Variants in ROR1 observed in about 807,000 individuals in gnomAD.
ROR1 encodes the protein ROR family WNT receptor 1, also known as inactive tyrosine-protein kinase transmembrane receptor ROR1.
ROR1 carries 19 observed loss-of-function variants against 78.8 expected under a neutral mutation model. The observed-to-expected ratio is 0.24, with a 90% CI of 0.17 to 0.35. ROR1 has a LOEUF of 0.35. ROR1 is among the 10% of genes least tolerant of loss of function. The probability of loss-of-function intolerance (pLI) is 1.00; values close to 1 mark genes in which losing one functional copy is unlikely to be tolerated. For synonymous variants in ROR1, 386 were observed against 433.6 expected (o/e 0.89, Z 1.36); for missense variants, 917 against 1,177.8 (o/e 0.78, Z 3.24).
At chr1:64,062,504 G>T (rs1294276886) in intron 4 of ROR1, among the ~76,000 whole-genome samples, 1 of 151,914 alleles carries the variant, frequency 6.6e-6, no homozygotes, top group Non-Finnish European at 1.5e-5. Context: ...GTAGAGATGG[G>T]GTTTCACCGT....
chr1:63,788,915 G>T (rs1301891832), intron 1 of ROR1: 2 of 865,804 alleles, frequency 2.3e-6, no homozygotes, highest in South Asian at 1.3e-5. Flanking sequence ...TTTTGAACAC[G>T]TTCCCCTTAA....
At chr1:64,090,056 T>C (rs1198111019) in intron 4 of ROR1, among the ~76,000 whole-genome samples, 2 of 152,266 alleles carry the variant, frequency 1.3e-5, no homozygotes, top group Non-Finnish European at 2.9e-5. Flanking sequence ...TTATGAGACC[T>C]CCCTAGCCAC....
At chr1:64,006,813 G>A (rs1007892625) in intron 1 of ROR1, among the ~76,000 whole-genome samples, 2 of 152,096 alleles carry the variant, frequency 1.3e-5, no homozygotes, top group Admixed American at 1.3e-4. Context: ...AGCCAAGGAG[G>A]TCTGCACAAA....
intron 1 of ROR1, among the ~76,000 whole-genome samples, chr1:63,961,997 A>G (rs1418181841): frequency 3.3e-5 from 5 of 152,190 alleles, no homozygotes; most frequent in Non-Finnish European, 7.3e-5. Flanking sequence ...AAATTTAAAA[A>G]ATAAAATTAC....
intron 1 of ROR1, among the ~76,000 whole-genome samples, chr1:63,983,441 C>T (rs1646226868): frequency 6.6e-6 from 1 of 152,180 alleles, no homozygotes; most frequent in African/African-American, 2.4e-5. Flanking sequence ...AGCGGGACCC[C>T]TCTAGAAGTG....
At chr1:63,844,218 ACT>A (rs1411779948) in intron 1 of ROR1, among the ~76,000 whole-genome samples, 1 of 151,602 alleles carries the variant, frequency 6.6e-6, no homozygotes, top group Non-Finnish European at 1.5e-5. Flanking sequence ...GTGTCTTTCC[ACT>A]CTCTGCCTCG....
At chr1:63,932,529 C>T (rs1332944098) in intron 1 of ROR1, among the ~76,000 whole-genome samples, 1 of 152,110 alleles carries the variant, frequency 6.6e-6, no homozygotes, top group African/African-American at 2.4e-5. Flanking sequence ...CTGGCTTGGT[C>T]GGTAGCATTT....
At chr1:64,114,791 T>C (rs913390033) in intron 4 of ROR1, among the ~76,000 whole-genome samples, 1 of 152,168 alleles carries the variant, frequency 6.6e-6, no homozygotes, top group African/African-American at 2.4e-5. Flanking sequence ...ATCAGCCTTA[T>C]CTTGTCCCAC....
intron 1 of ROR1, among the ~76,000 whole-genome samples, chr1:63,909,019 A>G (rs967950234): frequency 6.6e-6 from 1 of 152,188 alleles, no homozygotes; most frequent in African/African-American, 2.4e-5. Flanking sequence ...GTTCTGACCC[A>G]TATGTGGTTT....
chr1:63,893,736 A>G lies in ROR1; in HGVS notation c.92-115569A>G, dbSNP rs76872465. Reference sequence around the variant, plus strand: ...GTATCGGTAATCTCTGGATGGTGCTATACAAAGTGGGTCAAGAGATATACA... The same window carrying G: ...GTATCGGTAATCTCTGGATGGTGCTGTACAAAGTGGGTCAAGAGATATACA... On this transcript the variant is annotated intron_variant, in intron 1 of 8. Coordinates refer to ENST00000371079, the MANE Select transcript of ROR1 (RefSeq NM_005012.4). 9.2e-5 allele frequency among the ~76,000 whole-genome samples: 14 copies of G among 152,282 alleles called. No homozygotes were observed. The East Asian group carries it at 2.5e-3, about 27-fold the overall frequency.
At chr1:63,936,996 A>G (rs1201560994) in intron 1 of ROR1, among the ~76,000 whole-genome samples, 1 of 152,176 alleles carries the variant, frequency 6.6e-6, no homozygotes, top group Non-Finnish European at 1.5e-5. Context: ...TTATGTGTCC[A>G]GTGTGTTTCC....
At position 64,140,411 on chromosome 1, in the gene ROR1, G is replaced by A; in HGVS notation, c.913G>A (p.Asp305Asn). Residue 305 changes from aspartate to asparagine, a missense_variant, in exon 6 of 9, where the codon GAT (aspartate) becomes AAT (asparagine). Physicochemically the swap from Asp to Asn is conservative, Grantham distance 23. Around this residue, in one of 3 missense-constraint regions of ROR1, gnomAD observed 835 missense variants for 1,069.8 expected, o/e 0.78. Coordinates refer to ENST00000371079, the MANE Select transcript of ROR1 (RefSeq NM_005012.4). ...TATCCGGATTGGAATTCCCATGGCA[G>A]ATCCTATAAATAAAAGTAAGTGGTA... ...NCIRIGIPMA[D>N]PINKNHKCYN... The A allele has an allele frequency of 6.2e-7, 1 of 1,613,246 alleles. No homozygotes were observed. Among genetic ancestry groups the A allele is most frequent in the Non-Finnish European group, 8.5e-7 (1 of 1,179,276 alleles).
intron 1 of ROR1, among the ~76,000 whole-genome samples, chr1:63,818,204 G>A (rs960212856): frequency 1.3e-5 from 2 of 152,126 alleles, no homozygotes; most frequent in Non-Finnish European, 2.9e-5. Flanking sequence ...AAGGGCCTGG[G>A]GAAGGAAAGG....
intron 1 of ROR1, among the ~76,000 whole-genome samples, chr1:63,913,047 A>G (rs867928694): frequency 1.5e-4 from 22 of 148,950 alleles, no homozygotes; most frequent in Non-Finnish European, 2.5e-4. Context: ...TATCTCTAGG[A>G]AAAAAAAAAG....
At chr1:63,880,784 T>G (rs1413085289) in intron 1 of ROR1, among the ~76,000 whole-genome samples, 1 of 152,118 alleles carries the variant, frequency 6.6e-6, no homozygotes, top group East Asian at 1.9e-4. Flanking sequence ...CCATCTATCC[T>G]TCCATCCATC....
At chr1:64,102,419 C>G (rs1020572173) in intron 4 of ROR1, among the ~76,000 whole-genome samples, 1 of 152,130 alleles carries the variant, frequency 6.6e-6, no homozygotes, top group African/African-American at 2.4e-5. Context: ...TCCTTCACAC[C>G]CACTTCCTTT....
intron 4 of ROR1, among the ~76,000 whole-genome samples, chr1:64,085,369 A>G (rs2100637314): frequency 1.3e-5 from 2 of 152,178 alleles, no homozygotes; most frequent in Admixed American, 1.3e-4. Flanking sequence ...GGTGCTATGG[A>G]ACCCACTGAG....
intron 4 of ROR1, among the ~76,000 whole-genome samples, chr1:64,110,319 C>A (rs1648038260): frequency 6.6e-6 from 1 of 152,080 alleles, no homozygotes; most frequent in Non-Finnish European, 1.5e-5. Context: ...GGAAGGAAGA[C>A]CACTAGAGGC....
intron 7 of ROR1, among the ~76,000 whole-genome samples, chr1:64,157,882 T>C (rs931913785): frequency 9.8e-5 from 15 of 152,334 alleles, no homozygotes; most frequent in African/African-American, 3.6e-4. Context: ...GGAAGGGTAA[T>C]TGAATGAATG....
Sources: allele counts gnomAD v4.1 joint callset (sites outside exome capture counted in the v4.1 genomes callset), GRCh38; gene constraint gnomAD v4.1.1; regional missense constraint gnomAD v4.1.1; transcripts MANE v1.5; gene names NCBI Gene and HGNC (gene_info 2026-07-23, HGNC 2026-07-21).